WDR11: variants seen among roughly 807,000 people sequenced by gnomAD.
WDR11 encodes the protein WD repeat-containing protein 11.
In WDR11, 83 loss-of-function variants were observed where a neutral mutation model predicts 151.2. That is an observed-to-expected ratio of 0.55 (90% CI 0.46 to 0.66). The LOEUF is 0.66. Among genes scored for constraint, WDR11 ranks in the 30% least tolerant of loss-of-function variants. The pLI is 0.00. For synonymous variants in WDR11, 484 were observed against 533.1 expected, an observed-to-expected ratio of 0.91 and a Z score of 1.27; for missense variants, 1,301 against 1,480.9, an observed-to-expected ratio of 0.88 and a Z score of 1.99.
chr10:120,887,042 C>T (rs1847243600), intron 16 of WDR11, among the ~76,000 whole-genome samples: 1 of 152,316 alleles, frequency 6.6e-6, no homozygotes, highest in South Asian at 2.1e-4. Flanking sequence ...GTGTGCTACT[C>T]ATTTTTATCC....
chr10:120,853,172 G>C (rs2133719865), intron 2 of WDR11, among the ~76,000 whole-genome samples: 1 of 152,290 alleles, frequency 6.6e-6, no homozygotes, highest in South Asian at 2.1e-4. Context: ...CATAAAGATG[G>C]CTAAAGATGG....
Position 120,883,877 on chromosome 10 carries a change from A to G in WDR11, c.1837A>G (p.Ile613Val), listed in dbSNP as rs1847116719. 2 of 1,612,094 alleles carry G rather than the reference A, an allele frequency of 1.2e-6. No individual in the cohort carries two copies. Among genetic ancestry groups the G allele is most frequent in the East Asian group, 2.2e-5 (1 of 44,794 alleles). The change falls in exon 14 of 29, where the codon ATA becomes GTA. Residue 613 changes from isoleucine (I) to valine (V), a missense_variant. By Grantham distance (29) the Ile-to-Val change is conservative. Coordinates refer to ENST00000263461, the MANE Select transcript of WDR11 (RefSeq NM_018117.12). The stretch of plus-strand genomic sequence containing the variant: ...AGAGATGTCCAAAAACTTCCCTACA[A>G]TAACTGCTTTGGTAAGTTACAATTT... ...LREMSKNFPT[I>V]TALEWSPSHN...
chr10:120,895,188 A>AT (rs1433217981), intron 19 of WDR11, among the ~76,000 whole-genome samples: 1 of 152,090 alleles, frequency 6.6e-6, no homozygotes, highest in Non-Finnish European at 1.5e-5. Flanking sequence ...CCATTCCAAG[A>AT]TTATTATGTA....
At chr10:120,905,730 G>C in intron 26 of WDR11, 146 bp from the exon 27 acceptor site, 1 of 1,397,700 alleles carries the variant, frequency 7.2e-7, no homozygotes, top group Non-Finnish European at 9.9e-7. Flanking sequence ...TCATTATTCA[G>C]AGTATGCAGC....
chr10:120,893,982 G>A (rs1380158141), intron 19 of WDR11, among the ~76,000 whole-genome samples: 11 of 151,940 alleles, frequency 7.2e-5, no homozygotes, highest in Admixed American at 7.2e-4. Flanking sequence ...TCACTCTGAT[G>A]GTAGTTTCTT....
intron 5 of WDR11, 67 bp downstream of exon 5, chr10:120,862,988 G>A: frequency 1.9e-6 from 2 of 1,037,500 alleles, no homozygotes. Flanking sequence ...TTTTGGAGAT[G>A]TACAAAGACT....
At chr10:120,891,485 A>G (rs893324266) in intron 19 of WDR11, among the ~76,000 whole-genome samples, 15 of 152,248 alleles carry the variant, frequency 9.9e-5, no homozygotes, top group Non-Finnish European at 2.1e-4. Flanking sequence ...AGAATGGGAC[A>G]ATTGTGAATG....
At chr10:120,900,223 C>T in intron 20 of WDR11, 86 bp downstream of exon 20, 3 of 1,138,084 alleles carry the variant, frequency 2.6e-6, no homozygotes, top group Non-Finnish European at 4.0e-6. Flanking sequence ...TGTACTCCAG[C>T]ATTTAAAGGG....
chr10:120,906,104 G>C (rs111502404), intron 27 of WDR11, 83 bp downstream of exon 27: 4 of 1,609,942 alleles, frequency 2.5e-6, no homozygotes, highest in Non-Finnish European at 3.4e-6. Context: ...GCAGGTCATG[G>C]TACTCGATGT....
At chr10:120,865,941 TA>T (rs1590065336) in intron 7 of WDR11, among the ~76,000 whole-genome samples, 197 bp downstream of exon 7, 3 of 152,144 alleles carry the variant, frequency 2.0e-5, no homozygotes, top group South Asian at 2.1e-4. Context: ...GCACCTCCTG[TA>T]TACATCAAAG....
intron 26 of WDR11, 119 bp from the exon 27 acceptor site, chr10:120,905,757 G>A: frequency 3.8e-6 from 6 of 1,565,310 alleles, no homozygotes; most frequent in Non-Finnish European, 4.4e-6. Context: ...AGGGCAGTGT[G>A]CTAGTCAAGC....
chr10:120,873,571 TTAA>T (rs1401450618), intron 10 of WDR11, among the ~76,000 whole-genome samples: 1 of 152,184 alleles, frequency 6.6e-6, no homozygotes, highest in African/African-American at 2.4e-5. Flanking sequence ...TGTATGTGTA[TTAA>T]TGTAAGTTTT....
In WDR11 at chr10:120,881,002, G is replaced by C. The variant is rs1846985561; in HGVS notation, c.1739+101G>C. 3.8e-6 allele frequency: 4 copies of C among 1,063,026 alleles called. No homozygotes were observed. In the South Asian group the frequency reaches 5.5e-5, roughly 15 times the overall value. 65.8% of individuals were successfully genotyped at this position (1,063,026 alleles called of 1,614,324 possible). A position where few individuals can be genotyped will look rare whatever the true frequency, so the allele number is the denominator to read the frequency against. On this transcript the variant is annotated intron_variant, in intron 13 of 28. Coordinates refer to ENST00000263461, the MANE Select transcript of WDR11 (RefSeq NM_018117.12). ...ATGGGAATGTGCTGGAATGCATATG[G>C]AATCTTTTTAGTGATAGCAAATGGT...
intron 9 of WDR11, among the ~76,000 whole-genome samples, chr10:120,869,071 ATGC>A (rs1023949152): frequency 1.4e-5 from 2 of 147,582 alleles, no homozygotes; most frequent in African/African-American, 5.0e-5. Context: ...TTGAAATTTT[ATGC>A]TGTTTAGGTA....
chr10:120,860,143 C>T lies in WDR11; in HGVS notation c.387C>T (p.Arg129=), dbSNP rs372514928. 134 of 1,614,008 alleles carry T rather than the reference C, an allele frequency of 8.3e-5. 1 individual carries two copies. Among genetic ancestry groups the T allele is most frequent in the East Asian group, 5.1e-4 (23 of 44,882 alleles). ...VQWLWNQDAS[R]DLLLAIHPPN... Reference sequence around the variant, plus strand: ...GGTTGTGGAATCAAGATGCTTCCCGCGATTTACTGCTTGCTATCCACCCGC... The same window carrying T: ...GGTTGTGGAATCAAGATGCTTCCCGTGATTTACTGCTTGCTATCCACCCGC... The change falls in exon 4 of 29, where the codon CGC becomes CGT. Residue 129 remains arginine, a synonymous_variant. Coordinates refer to ENST00000263461, the MANE Select transcript of WDR11 (RefSeq NM_018117.12).
chr10:120,864,162 A>C (rs1273359132), intron 5 of WDR11, among the ~76,000 whole-genome samples: 1 of 152,152 alleles, frequency 6.6e-6, no homozygotes, highest in African/African-American at 2.4e-5. Flanking sequence ...CCCATTTTAC[A>C]AATAAGGAAA....
chr10:120,869,106 G>GTTTT (rs35675368), intron 9 of WDR11, among the ~76,000 whole-genome samples: 15 of 82,014 alleles, frequency 1.8e-4, no homozygotes, highest in East Asian at 4.4e-4. Flanking sequence ...TAAATTACAG[G>GTTTT]TTTTTTTTTT....
chr10:120,901,182 T>TCA (rs1847800400), intron 21 of WDR11, 84 bp downstream of exon 21: 17 of 1,241,766 alleles, frequency 1.4e-5, no homozygotes, highest in Non-Finnish European at 2.0e-5. Flanking sequence ...AAAATTAAAA[T>TCA]AAGTTACGTT....
intron 23 of WDR11, 24 bp from the exon 24 acceptor site, chr10:120,904,022 AT>A: frequency 6.7e-7 from 1 of 1,494,366 alleles, no homozygotes; most frequent in Non-Finnish European, 9.3e-7. Flanking sequence ...TCCAGGCTTA[AT>A]TTTTCTTTTT....
Sources: allele counts gnomAD v4.1 joint callset (sites outside exome capture counted in the v4.1 genomes callset), GRCh38; gene constraint gnomAD v4.1.1; transcripts MANE v1.5; gene names NCBI Gene and HGNC (gene_info 2026-07-23, HGNC 2026-07-21).